Variants in PLCL2 observed in about 807,000 individuals in gnomAD.
The protein encoded by PLCL2 is phospholipase C like 2.
Under a neutral mutation model 79.6 loss-of-function variants are expected in PLCL2, and 4 were observed. The observed-to-expected ratio is 0.05, with a 90% CI of 0.02 to 0.11. PLCL2 has a LOEUF of 0.11. PLCL2 is among the 10% of genes least tolerant of loss of function. The pLI, the probability that PLCL2 is intolerant of heterozygous loss-of-function variation, is 1.00. For synonymous variants in PLCL2, 484 were observed against 457.7 expected (o/e 1.06, Z -0.73); for missense variants, 895 against 1,291.0 (o/e 0.69, Z 4.70).
At chr3:17,057,418 C>A (rs994769872) in intron 4 of PLCL2, among the ~76,000 whole-genome samples, 1 of 152,078 alleles carries the variant, frequency 6.6e-6, no homozygotes, top group Non-Finnish European at 1.5e-5. Flanking sequence ...GTTCTGTCTC[C>A]TCTGCCCTCC....
chr3:16,980,544 C>A (rs552879274), intron 1 of PLCL2, among the ~76,000 whole-genome samples: 35 of 151,524 alleles, frequency 2.3e-4, no homozygotes, highest in Non-Finnish European at 4.1e-4. Context: ...GATGGGCGGC[C>A]GGGCAGAGAC....
At chr3:16,987,737 A>G (rs1037291425) in intron 1 of PLCL2, among the ~76,000 whole-genome samples, 35 of 152,200 alleles carry the variant, frequency 2.3e-4, no homozygotes, top group African/African-American at 8.4e-4. Flanking sequence ...AAGTAATGTG[A>G]TATAAATTTT....
chr3:17,032,364 T>G (rs1340879518), intron 3 of PLCL2, among the ~76,000 whole-genome samples: 1 of 152,144 alleles, frequency 6.6e-6, no homozygotes, highest in African/African-American at 2.4e-5. Context: ...CTTGTCTGCA[T>G]AAAAATAAAA....
intron 1 of PLCL2, among the ~76,000 whole-genome samples, chr3:16,980,919 C>G (rs11712952): frequency 6.6e-6 from 1 of 152,252 alleles, no homozygotes; most frequent in Non-Finnish European, 1.5e-5. Flanking sequence ...GGATCACTCA[C>G]GGTTAGGAGC....
At chr3:16,943,008 AAAGATT>A (rs1333275055) in intron 1 of PLCL2, among the ~76,000 whole-genome samples, 2 of 152,244 alleles carry the variant, frequency 1.3e-5, no homozygotes, top group African/African-American at 4.8e-5. Flanking sequence ...TTGAATTAAT[AAAGATT>A]AAGTGTGATG....
chr3:16,909,682 C>G (rs1696830146), intron 1 of PLCL2, among the ~76,000 whole-genome samples: 2 of 152,152 alleles, frequency 1.3e-5, no homozygotes, highest in African/African-American at 4.8e-5. Context: ...TATTCTATAA[C>G]TGATATAATA....
At position 17,089,756 on chromosome 3, in the gene PLCL2, T is replaced by C. The variant is rs1179313660; in HGVS notation, c.3228T>C (p.Tyr1076=). ...ILKGQADLLK[Y]AKNETLENLK... ...AGGGACAAGCAGATCTTTTGAAATA[T>C]GCTAAGAATGAGACATTGGAGAACC... The change falls in exon 6 of 6, where the codon TAT becomes TAC. Residue 1076 remains tyrosine (Y), a synonymous_variant. Coordinates refer to ENST00000615277, the MANE Select transcript of PLCL2 (RefSeq NM_001144382.2). 2 of 1,610,234 alleles carry C rather than the reference T, an allele frequency of 1.2e-6. No individual in the cohort carries two copies. Among genetic ancestry groups the C allele is most frequent in the Non-Finnish European group, 1.7e-6 (2 of 1,177,178 alleles).
chr3:16,928,930 T>C (rs1697321816), intron 1 of PLCL2, among the ~76,000 whole-genome samples: 1 of 144,360 alleles, frequency 6.9e-6, no homozygotes, highest in African/African-American at 2.6e-5. Context: ...GAGGGACAGA[T>C]GGTTTGAGAG....
At chr3:16,974,176 G>C (rs1220277250) in intron 1 of PLCL2, among the ~76,000 whole-genome samples, 1 of 152,164 alleles carries the variant, frequency 6.6e-6, no homozygotes, top group Non-Finnish European at 1.5e-5. Flanking sequence ...TCCTTGCAGG[G>C]ACTTGTGGGC....
chr3:16,918,300 A>G (rs1230448060), intron 1 of PLCL2, among the ~76,000 whole-genome samples: 3 of 152,184 alleles, frequency 2.0e-5, no homozygotes, highest in African/African-American at 7.2e-5. Context: ...TGAAAATCTC[A>G]TTTTTTAAGT....
In PLCL2 at chr3:17,089,837, AAAT is replaced by A; in HGVS notation, c.3310_3312del (p.Asn1104del). 6.2e-7 allele frequency: 1 copy of A among 1,614,148 alleles called. No homozygotes were observed. The highest frequency in any genetic ancestry group is 8.5e-7 in the Non-Finnish European group (1 of 1,179,994). On this transcript the variant is annotated inframe_deletion, in exon 6 of 6. Coordinates refer to ENST00000615277, the MANE Select transcript of PLCL2 (RefSeq NM_001144382.2). ...GTGGACTGAATAAACCAGGCACCGA[AAAT>A]GCTGATGTCCAGAAGCCACGCCGGA... is the stretch of plus-strand genomic sequence containing the variant.
chr3:16,945,167 T>C (rs889615869), intron 1 of PLCL2, among the ~76,000 whole-genome samples: 1 of 152,048 alleles, frequency 6.6e-6, no homozygotes, highest in African/African-American at 2.4e-5. Flanking sequence ...GTATTTCAGA[T>C]CTTTACTCAA....
chr3:16,932,082 C>A (rs1020822651), intron 1 of PLCL2, among the ~76,000 whole-genome samples: 2 of 152,172 alleles, frequency 1.3e-5, no homozygotes, highest in African/African-American at 4.8e-5. Context: ...CTCACACTTC[C>A]AGCCTTCAGA....
At chr3:16,999,010 G>A (rs2064180831) in intron 1 of PLCL2, among the ~76,000 whole-genome samples, 1 of 152,128 alleles carries the variant, frequency 6.6e-6, no homozygotes, top group Non-Finnish European at 1.5e-5. Flanking sequence ...CTTTGAGTGA[G>A]GTCATTTGAT....
chr3:17,052,627 G>T (rs1319525758), intron 4 of PLCL2, among the ~76,000 whole-genome samples: 1 of 152,088 alleles, frequency 6.6e-6, no homozygotes, highest in African/African-American at 2.4e-5. Context: ...CACTGAGTGT[G>T]CCTGCCTCCC....
At chr3:16,905,776 C>G (rs1314423417) in intron 1 of PLCL2, among the ~76,000 whole-genome samples, 1 of 152,218 alleles carries the variant, frequency 6.6e-6, no homozygotes, top group Non-Finnish European at 1.5e-5. Flanking sequence ...GTTTAGACCT[C>G]CTCAGAATAG....
At chr3:16,906,761 A>C (rs919156945) in intron 1 of PLCL2, among the ~76,000 whole-genome samples, 2 of 152,206 alleles carry the variant, frequency 1.3e-5, no homozygotes, top group African/African-American at 4.8e-5. Flanking sequence ...GAAGTTTTCT[A>C]TGAATTCTTT....
chr3:17,040,982 C>T (rs1191773858), intron 3 of PLCL2, among the ~76,000 whole-genome samples: 3 of 152,012 alleles, frequency 2.0e-5, no homozygotes, highest in Admixed American at 6.6e-5. Context: ...TTCTTTGATA[C>T]TGAGCTGTAA....
At chr3:16,940,158 C>T (rs1029922438) in intron 1 of PLCL2, among the ~76,000 whole-genome samples, 8 of 152,256 alleles carry the variant, frequency 5.3e-5, no homozygotes, top group East Asian at 1.9e-4. Flanking sequence ...ATGTCCCTCC[C>T]GGCGGGCCAG....
Sources: gnomAD v4.1 joint callset for allele counts (sites outside exome capture counted in the v4.1 genomes callset) on GRCh38, gnomAD v4.1.1 for gene constraint, MANE v1.5 for transcripts, NCBI Gene and HGNC (gene_info 2026-07-23, HGNC 2026-07-21) for gene names.